The following BRWD3 variants were observed in gnomAD, a reference collection of about 807,000 sequenced individuals.
BRWD3 encodes bromodomain and WD repeat domain containing 3, also known as bromodomain and WD repeat-containing protein 3.
A neutral mutation model predicts 149.7 loss-of-function variants in BRWD3; 10 were observed. The ratio of observed to expected loss-of-function variants is 0.07; its 90% CI spans 0.04 to 0.11. The LOEUF is 0.11. Ranked by LOEUF, BRWD3 falls within the 10% of genes least tolerant of loss-of-function variation. BRWD3 has a pLI of 1.00. For missense variants in BRWD3, 940 were observed against 1,373.2 expected (o/e 0.68, Z 4.99); for synonymous variants, 504 against 456.7 (o/e 1.10, Z -1.32).
Position 80,722,264 on chromosome X carries a change from C to T in BRWD3, c.1876+298G>A, listed in dbSNP as rs781226770. On this transcript the variant is annotated intron_variant, in intron 17 of 40. Transcript: ENST00000373275. ...TCAGTTATAAAAGCTTTTACTACAACTCCATACTATAGAAAACAACAGCTT... is the reference window on the plus strand; with the variant it reads ...TCAGTTATAAAAGCTTTTACTACAATTCCATACTATAGAAAACAACAGCTT... 7.1e-5 allele frequency among the ~76,000 whole-genome samples: 8 copies of T among 112,125 alleles called. No individual in the cohort carries two copies. The East Asian group carries it at 2.2e-3, about 31-fold the overall frequency.
chrX:80,706,865 A>G lies in BRWD3; in HGVS notation c.2552+562T>C, dbSNP rs138419403. Reference sequence around the variant, plus strand: ...GGCAACATAGCAAGACACCATCTCTAAAAGAATAGAAAATGAAATGAAGAA... The same window carrying G: ...GGCAACATAGCAAGACACCATCTCTGAAAGAATAGAAAATGAAATGAAGAA... On this transcript the variant is annotated intron_variant, in intron 22 of 40. Transcript: ENST00000373275. Among the ~76,000 whole-genome samples the G allele has an allele frequency of 4.3e-4, 49 of 113,050 alleles. 1 individual carries two copies. The East Asian group carries it at 0.013, about 31-fold the overall frequency.
chrX:80,688,907 ATTGG>A (rs1369585854), intron 33 of BRWD3, among the ~76,000 whole-genome samples: 1 of 111,032 alleles, frequency 9.0e-6, no homozygotes, highest in African/African-American at 3.3e-5. Flanking sequence ...ATAATATCTA[ATTGG>A]TATATCATGT....
chrX:80,730,447 A>C lies in BRWD3; in HGVS notation c.1128-427T>G, dbSNP rs149814437. On this transcript the variant is annotated intron_variant, in intron 12 of 40. Transcript: ENST00000373275. ...AAAGAAAGAAAGAAAGAAAGAAAGA[A>C]AGACACAGTTAACACAGATGAATCT... Among the ~76,000 whole-genome samples the C allele has an allele frequency of 7.4e-3, 806 of 108,581 alleles. 8 individuals carry two copies. The highest frequency in any genetic ancestry group is 5.3e-3 in the Non-Finnish European group (277 of 51,990). The allele number at this position is 108,581 out of a possible 115,157, so 94.3% of individuals were successfully genotyped here.
At chrX:80,737,627 G>A (rs1306820047) in intron 8 of BRWD3, among the ~76,000 whole-genome samples, 1 of 111,703 alleles carries the variant, frequency 9.0e-6, no homozygotes, top group Non-Finnish European at 1.9e-5. Context: ...CTGAGGTCGG[G>A]AGTTCGAAAC....
chrX:80,779,215 TA>T lies in BRWD3; in HGVS notation c.430+12638del, dbSNP rs1354959616. On this transcript the variant is annotated intron_variant, in intron 6 of 40. Transcript: ENST00000373275. The stretch of plus-strand genomic sequence containing the variant: ...CTGCAATCCCAGCTACTCAGGAGGC[TA>T]AGGCAGGAGAATCGCTTGAACCCAG... Among the ~76,000 whole-genome samples, 3 of 110,434 alleles carry T rather than the reference TA, an allele frequency of 2.7e-5. No individual in the cohort carries two copies. In the East Asian group the frequency reaches 8.6e-4, roughly 32 times the overall value.
intron 4 of BRWD3, among the ~76,000 whole-genome samples, chrX:80,803,101 CAAAAAAAAA>C (rs61306754): frequency 0.016 from 380 of 24,053 alleles, 8 homozygotes; most frequent in African/African-American, 0.036. Flanking sequence ...GACTCCATCT[CAAAAAAAAA>C]AAAAAAAAAA....
intron 6 of BRWD3, among the ~76,000 whole-genome samples, chrX:80,777,145 C>T (rs906171374): frequency 9.3e-6 from 1 of 107,827 alleles, no homozygotes; most frequent in Admixed American, 1.0e-4. Context: ...CTCTTAAGAC[C>T]CCCCCCCACG....
In BRWD3 at chrX:80,734,149, G is replaced by A. The variant is rs1304190516; in HGVS notation, c.1055C>T (p.Pro352Leu). 2 of 1,200,492 alleles carry A rather than the reference G, an allele frequency of 1.7e-6. No homozygotes were observed. The change falls in exon 11 of 41, where the codon CCT becomes CTT. Residue 352 changes from proline to leucine, a missense_variant. Pro to Leu is a moderately conservative substitution (Grantham distance 98). This residue lies in a region of BRWD3 where 209 missense variants were observed against 396.8 expected (regional missense o/e 0.53). Transcript: ENST00000373275. The part of the protein sequence containing the change: ...IRIYYLGSEV[P>L]EKIAELESHT... ...TGACTCTAATTCAGCAATTTTCTCA[G>A]GAACCTCAGAACCCAAATAATATAT...
At chrX:80,761,875 T>A (rs917065129) in intron 6 of BRWD3, among the ~76,000 whole-genome samples, 2 of 111,300 alleles carry the variant, frequency 1.8e-5, no homozygotes, top group African/African-American at 6.5e-5. Context: ...TTAAAGTGCA[T>A]TAGAAAGGCC....
chrX:80,743,979 G>T, intron 8 of BRWD3, 53 bp downstream of exon 8: 4 of 1,001,571 alleles, frequency 4.0e-6, no homozygotes, highest in Non-Finnish European at 5.6e-6. Flanking sequence ...TGAAATCAGA[G>T]AATTCTCACC....
intron 6 of BRWD3, among the ~76,000 whole-genome samples, chrX:80,756,187 G>A (rs1240613864): frequency 9.0e-6 from 1 of 110,786 alleles, no homozygotes; most frequent in Non-Finnish European, 1.9e-5. Context: ...CTCAGTGATT[G>A]TTAATATAAA....
chrX:80,785,641 T>C (rs1012080947), intron 6 of BRWD3, among the ~76,000 whole-genome samples: 6 of 112,488 alleles, frequency 5.3e-5, no homozygotes, highest in Non-Finnish European at 3.7e-5. Context: ...AAAACTTTCA[T>C]AGAAAAGAAC....
At chrX:80,796,525 C>A (rs973925253) in intron 4 of BRWD3, among the ~76,000 whole-genome samples, 1 of 111,603 alleles carries the variant, frequency 9.0e-6, no homozygotes, top group Non-Finnish European at 1.9e-5. Context: ...GTCAAAGAAC[C>A]ACAGTCCAAC....
chrX:80,745,486 C>T (rs2073579834), intron 7 of BRWD3, 83 bp downstream of exon 7: 1 of 962,281 alleles, frequency 1.0e-6, no homozygotes, highest in African/African-American at 1.9e-5. Context: ...GAACTGCTTA[C>T]AAAGCACAAT....
At chrX:80,731,501 T>C (rs1302810890) in intron 12 of BRWD3, among the ~76,000 whole-genome samples, 1 of 111,779 alleles carries the variant, frequency 8.9e-6, no homozygotes, top group African/African-American at 3.3e-5. Context: ...GTTTGTAGAC[T>C]ATCATTATTT....
chrX:80,745,160 C>T (rs2073573191), intron 7 of BRWD3, among the ~76,000 whole-genome samples: 1 of 111,086 alleles, frequency 9.0e-6, no homozygotes. Flanking sequence ...ATCTTCATCA[C>T]AGTGTAGTTC....
intron 6 of BRWD3, among the ~76,000 whole-genome samples, chrX:80,769,645 G>C (rs916587170): frequency 8.1e-5 from 9 of 111,374 alleles, no homozygotes; most frequent in Admixed American, 2.9e-4. Context: ...AAGCAGGAAA[G>C]ATCTAAAACT....
chrX:80,795,434 T>G (rs1255423447), intron 4 of BRWD3, among the ~76,000 whole-genome samples: 1 of 109,769 alleles, frequency 9.1e-6, no homozygotes, highest in Admixed American at 9.8e-5. Flanking sequence ...CATATGTATA[T>G]ATACACGTAT....
At chrX:80,781,694 G>C (rs2074058904) in intron 6 of BRWD3, among the ~76,000 whole-genome samples, 1 of 111,333 alleles carries the variant, frequency 9.0e-6, no homozygotes, top group Non-Finnish European at 1.9e-5. Flanking sequence ...ACAAAAATCA[G>C]TAGCATTTCT....
Sources: allele counts gnomAD v4.1 joint callset (sites outside exome capture counted in the v4.1 genomes callset), GRCh38; gene constraint gnomAD v4.1.1; regional missense constraint gnomAD v4.1.1; transcripts MANE v1.5; gene names NCBI Gene and HGNC (gene_info 2026-07-23, HGNC 2026-07-21).